Variants in RFX7 observed in about 807,000 individuals in gnomAD.
RFX7 encodes the protein regulatory factor X7.
Under a neutral mutation model 111.8 loss-of-function variants are expected in RFX7, and 26 were observed. The ratio of observed to expected loss-of-function variants is 0.23; its 90% confidence interval spans 0.17 to 0.32. RFX7 has a LOEUF of 0.32. Ranked by LOEUF, RFX7 falls within the 10% of genes least tolerant of loss-of-function variation. RFX7 has a pLI of 1.00. For synonymous variants in RFX7, 624 were observed against 624.4 expected, an observed-to-expected ratio of 1.00 and a Z score of 0.01; for missense variants, 1,573 against 1,772.9, an observed-to-expected ratio of 0.89 and a Z score of 2.02.
At chr15:56,221,390 A>G (rs796123271) in intron 2 of RFX7, among the ~76,000 whole-genome samples, 24 of 152,150 alleles carry the variant, frequency 1.6e-4, no homozygotes, top group African/African-American at 5.1e-4. Flanking sequence ...CAGATCTTTC[A>G]CTTCCCTAGT....
Position 56,094,786 on chromosome 15 carries a change from C to A in RFX7, c.2942G>T (p.Cys981Phe). The change falls in exon 10 of 10, where the codon TGC (cysteine) becomes TTC (phenylalanine). Residue 981 changes from cysteine to phenylalanine, a missense_variant. Cys to Phe is a radical substitution (Grantham distance 205). Around this residue, in one of 7 missense-constraint regions of RFX7, gnomAD observed 625 missense variants for 632.2 expected, o/e 0.99. Transcript: ENST00000559447. ...GSQSLSRESP[C>F]SRLAQTTPVD... ...AGGTGTAGTCTGGGCTAGCCTGGAG[C>A]AAGGGCTCTCCCGTGACAGACTCTG... 6.2e-7 allele frequency: 1 copy of A among 1,606,146 alleles called. No homozygotes were observed. Among genetic ancestry groups the A allele is most frequent in the South Asian group, 1.1e-5 (1 of 89,826 alleles).
At position 56,087,311 on chromosome 15, in the gene RFX7, C is replaced by G. The variant is rs928987861; in HGVS notation, c.*6034G>C. 10 of 376,136 alleles carry G rather than the reference C, an allele frequency of 2.7e-5. No individual in the cohort carries two copies. Among genetic ancestry groups the G allele is most frequent in the South Asian group, 1.6e-4 (8 of 50,982 alleles). The allele number at this position is 376,136 out of a possible 1,614,324, so 23.3% of individuals were successfully genotyped here. A position where few individuals can be genotyped will look rare whatever the true frequency, so the allele number is the denominator to read the frequency against. ...TTAAACCAGAAAGACATTTATTTCTCTCATGTAAAACACATCCAGAGGTAA... is the reference window on the plus strand; with the variant it reads ...TTAAACCAGAAAGACATTTATTTCTGTCATGTAAAACACATCCAGAGGTAA... On this transcript the variant is annotated 3_prime_UTR_variant, in exon 10 of 10. Coordinates refer to ENST00000559447, the MANE Select transcript of RFX7 (RefSeq NM_022841.7).
At chr15:56,233,855 C>T (rs570197972) in intron 2 of RFX7, among the ~76,000 whole-genome samples, 4 of 152,262 alleles carry the variant, frequency 2.6e-5, no homozygotes, top group African/African-American at 9.6e-5. Context: ...ATTCTTTCTT[C>T]TACTTGTACA....
chr15:56,131,198 GGT>G (rs1444284643), intron 5 of RFX7, among the ~76,000 whole-genome samples: 1 of 150,496 alleles, frequency 6.6e-6, no homozygotes, highest in Admixed American at 6.6e-5. Flanking sequence ...AGAACTCAAT[GGT>G]ACACTACAAG....
intron 2 of RFX7, among the ~76,000 whole-genome samples, chr15:56,184,660 T>C (rs2043018858): frequency 6.6e-6 from 1 of 152,232 alleles, no homozygotes; most frequent in South Asian, 2.1e-4. Flanking sequence ...TTCTGTTCTC[T>C]CTGCCAAGGA....
intron 2 of RFX7, 75 bp downstream of exon 2, chr15:56,243,050 C>CTG: frequency 1.5e-6 from 1 of 645,598 alleles, no homozygotes; most frequent in Non-Finnish European, 2.5e-6. Context: ...GCTCCCCCCG[C>CTG]CCGCCGCCCC....
intron 2 of RFX7, 90 bp downstream of exon 2, chr15:56,243,035 C>G: frequency 1.4e-6 from 1 of 716,020 alleles, no homozygotes; most frequent in Non-Finnish European, 2.2e-6. Context: ...TCAGCCTCCT[C>G]CTCCGCTCCC....
chr15:56,240,104 T>A (rs1344909002), intron 2 of RFX7, among the ~76,000 whole-genome samples: 1 of 100,088 alleles, frequency 1.0e-5, no homozygotes, highest in Non-Finnish European at 2.5e-5. Context: ...GTTACTAGTT[T>A]TCTTTTTTTT....
At chr15:56,192,787 G>A (rs1290796339) in intron 2 of RFX7, 2 of 224,068 alleles carry the variant, frequency 8.9e-6, no homozygotes, top group Non-Finnish European at 9.8e-6. Context: ...AGTAAATGGA[G>A]GCCAGCAAAT....
At chr15:56,183,909 T>C (rs987884362) in intron 2 of RFX7, among the ~76,000 whole-genome samples, 2 of 152,172 alleles carry the variant, frequency 1.3e-5, no homozygotes, top group African/African-American at 4.8e-5. Flanking sequence ...AACTTACAGA[T>C]GGTATTGTGA....
chr15:56,093,154 C>G lies in RFX7; in HGVS notation c.*191G>C. 1.9e-6 allele frequency: 1 copy of G among 533,310 alleles called. No individual in the cohort carries two copies. The highest frequency in any genetic ancestry group is 3.3e-5 in the Admixed American group (1 of 30,364). The allele number at this position is 533,310 out of a possible 1,614,324, so 33.0% of individuals were successfully genotyped here. A position where few individuals can be genotyped will look rare whatever the true frequency, so the allele number is the denominator to read the frequency against. ...AAACCTAATACTTGTTCTTCTACAG[C>G]CTACTGTCTTTAGACACTTGTTAAG... On this transcript the variant is annotated 3_prime_UTR_variant, in exon 10 of 10. Transcript: ENST00000559447.
At chr15:56,241,324 G>A (rs760071253) in intron 2 of RFX7, among the ~76,000 whole-genome samples, 14 of 151,998 alleles carry the variant, frequency 9.2e-5, no homozygotes, top group African/African-American at 2.7e-4. Context: ...AAGTGCACTC[G>A]ACTATCATCA....
At chr15:56,110,012 G>A (rs2041893144) in intron 5 of RFX7, among the ~76,000 whole-genome samples, 1 of 135,850 alleles carries the variant, frequency 7.4e-6, no homozygotes, top group Non-Finnish European at 1.6e-5. Context: ...GGGAGGCGAG[G>A]GGCGCCTCTG....
At chr15:56,180,750 CAAA>C (rs869160446) in intron 2 of RFX7, among the ~76,000 whole-genome samples, 4 of 65,586 alleles carry the variant, frequency 6.1e-5, no homozygotes, top group Admixed American at 3.3e-4. Context: ...TACTAAAATA[CAAA>C]AAAAAAAAAA....
chr15:56,175,533 T>C (rs1168878469), intron 3 of RFX7, among the ~76,000 whole-genome samples: 1 of 152,076 alleles, frequency 6.6e-6, no homozygotes, highest in African/African-American at 2.4e-5. Flanking sequence ...AGTGATGTCA[T>C]AAAGGCAGAC....
At chr15:56,219,374 T>A (rs2043400555) in intron 2 of RFX7, among the ~76,000 whole-genome samples, 1 of 152,228 alleles carries the variant, frequency 6.6e-6, no homozygotes. Flanking sequence ...TAAATATTTT[T>A]TTAACTTTTA....
At chr15:56,171,751 T>C (rs1339638124) in intron 3 of RFX7, among the ~76,000 whole-genome samples, 1 of 152,144 alleles carries the variant, frequency 6.6e-6, no homozygotes, top group Admixed American at 6.6e-5. Flanking sequence ...CAGATAGTTA[T>C]AGAAGTGGGG....
At chr15:56,239,394 G>A (rs1270052151) in intron 2 of RFX7, among the ~76,000 whole-genome samples, 3 of 151,610 alleles carry the variant, frequency 2.0e-5, no homozygotes, top group Non-Finnish European at 2.9e-5. Context: ...TCAGCCTCCC[G>A]AGTAGCCAGG....
At chr15:56,177,843 T>C (rs1185197167) in intron 3 of RFX7, among the ~76,000 whole-genome samples, 1 of 152,112 alleles carries the variant, frequency 6.6e-6, no homozygotes, top group African/African-American at 2.4e-5. Flanking sequence ...TCTTAAGAGT[T>C]GGAAGACAGA....
Sources: gnomAD v4.1 joint callset for allele counts (sites outside exome capture counted in the v4.1 genomes callset) on GRCh38, gnomAD v4.1.1 for gene constraint, gnomAD v4.1.1 regional missense constraint, MANE v1.5 for transcripts, NCBI Gene and HGNC (gene_info 2026-07-23, HGNC 2026-07-21) for gene names.